The following ZZEF1 variants were observed in gnomAD, a reference collection of about 807,000 sequenced individuals.
ZZEF1 encodes the protein zinc finger ZZ-type and EF-hand domain-containing protein 1.
A neutral mutation model predicts 342.8 loss-of-function variants in ZZEF1; 157 were observed. The observed-to-expected ratio is 0.46, with a 90% CI of 0.40 to 0.52. The LOEUF is 0.52. Among genes scored for constraint, ZZEF1 ranks in the 20% least tolerant of loss-of-function variants. ZZEF1 has a pLI of 0.00. For synonymous variants in ZZEF1, 1,505 were observed against 1,429.1 expected (o/e 1.05, Z -1.20); for missense variants, 3,480 against 3,725.6 (o/e 0.93, Z 1.72).
chr17:4,075,025 G>T, intron 23 of ZZEF1, 72 bp downstream of exon 23: 2 of 1,476,200 alleles, frequency 1.4e-6, no homozygotes, highest in Non-Finnish European at 1.9e-6. Context: ...TACCTCTACT[G>T]CCCCCTGAAG....
chr17:4,035,046 T>C (rs1306865699), intron 39 of ZZEF1, among the ~76,000 whole-genome samples: 3 of 152,202 alleles, frequency 2.0e-5, no homozygotes, highest in Admixed American at 6.5e-5. Context: ...TATTTGTGTA[T>C]GTATGTATAT....
chr17:4,105,608 G>T, intron 7 of ZZEF1, 85 bp downstream of exon 7: 2 of 1,044,940 alleles, frequency 1.9e-6, no homozygotes, highest in South Asian at 1.4e-5. Context: ...ATCGTTAAAA[G>T]ATTAATATAT....
intron 28 of ZZEF1, among the ~76,000 whole-genome samples, chr17:4,065,406 A>G (rs2057372948): frequency 6.6e-6 from 1 of 151,986 alleles, no homozygotes; most frequent in Non-Finnish European, 1.5e-5. Context: ...CCAAAAAAAA[A>G]AACAAACAAA....
At chr17:4,095,479 T>A (rs1233820648) in intron 11 of ZZEF1, among the ~76,000 whole-genome samples, 1 of 152,156 alleles carries the variant, frequency 6.6e-6, no homozygotes, top group Non-Finnish European at 1.5e-5. Context: ...AGGTACTTAA[T>A]AAGTATTTGT....
chr17:4,054,272 A>G (rs1456979168), intron 33 of ZZEF1, 77 bp from the exon 34 acceptor site: 1 of 1,478,084 alleles, frequency 6.8e-7, no homozygotes, highest in African/African-American at 1.4e-5. Context: ...TCCTCCATTC[A>G]CTAGGTACTG....
chr17:4,046,765 C>G lies in ZZEF1; in HGVS notation c.6016-2391G>C, dbSNP rs541842207. Among the ~76,000 whole-genome samples, 14 of 152,320 alleles carry G rather than the reference C, an allele frequency of 9.2e-5. No individual in the cohort carries two copies. The South Asian group carries it at 2.9e-3, about 32-fold the overall frequency. ...ATAATTCCCAAGTTATGGCAAATGACTTATCTTTTTTCCTGTTATCACAGG... is the reference window on the plus strand; with the variant it reads ...ATAATTCCCAAGTTATGGCAAATGAGTTATCTTTTTTCCTGTTATCACAGG... On this transcript the variant is annotated intron_variant, in intron 37 of 54. Coordinates refer to ENST00000381638, the MANE Select transcript of ZZEF1 (RefSeq NM_015113.4).
chr17:4,138,390 C>T (rs1597955026), intron 1 of ZZEF1, among the ~76,000 whole-genome samples: 1 of 152,114 alleles, frequency 6.6e-6, no homozygotes, highest in Non-Finnish European at 1.5e-5. Context: ...CCTGTAAACC[C>T]GAAAGTGACT....
At chr17:4,078,090 C>G (rs771931864) in intron 18 of ZZEF1, 48 bp from the exon 19 acceptor site, 5 of 1,580,916 alleles carry the variant, frequency 3.2e-6, no homozygotes, top group Non-Finnish European at 3.5e-6. Flanking sequence ...AGGCCATTCA[C>G]AGAGCATAGC....
intron 13 of ZZEF1, among the ~76,000 whole-genome samples, chr17:4,087,825 C>CACA (rs1016601880): frequency 2.1e-3 from 296 of 140,386 alleles, no homozygotes; most frequent in African/African-American, 7.3e-3. Context: ...CACACACACA[C>CACA]ATCCATGAAC....
intron 10 of ZZEF1, 26 bp from the exon 11 acceptor site, chr17:4,096,005 C>A: frequency 6.3e-7 from 1 of 1,578,856 alleles, no homozygotes; most frequent in Non-Finnish European, 8.6e-7. Flanking sequence ...AGGATGAAGT[C>A]TATCAAAGGG....
chr17:4,060,664 C>T (rs1231911102), intron 30 of ZZEF1, among the ~76,000 whole-genome samples: 1 of 151,852 alleles, frequency 6.6e-6, no homozygotes, highest in Non-Finnish European at 1.5e-5. Flanking sequence ...CCACTACCTC[C>T]TTCTCATCCT....
At chr17:4,047,134 G>C (rs566479989) in intron 37 of ZZEF1, among the ~76,000 whole-genome samples, 2 of 152,322 alleles carry the variant, frequency 1.3e-5, no homozygotes, top group African/African-American at 4.8e-5. Flanking sequence ...GACTCAAAAG[G>C]TGGGAATGGC....
intron 25 of ZZEF1, among the ~76,000 whole-genome samples, 184 bp downstream of exon 25, chr17:4,072,424 T>C (rs2057527121): frequency 1.3e-5 from 2 of 152,202 alleles, no homozygotes; most frequent in Non-Finnish European, 2.9e-5. Flanking sequence ...TGAACACCTA[T>C]TGCGCACTGG....
intron 26 of ZZEF1, among the ~76,000 whole-genome samples, chr17:4,068,044 C>T (rs1402810703): frequency 6.6e-6 from 1 of 152,178 alleles, no homozygotes; most frequent in Non-Finnish European, 1.5e-5. Context: ...TGCCCCTGCA[C>T]TCTAGCCTAG....
chr17:4,099,864 T>G (rs936924111), intron 9 of ZZEF1, among the ~76,000 whole-genome samples: 1 of 152,026 alleles, frequency 6.6e-6, no homozygotes, highest in Admixed American at 6.6e-5. Context: ...ATATTTTAAA[T>G]CTATAAGTTT....
At position 4,074,140 on chromosome 17, in the gene ZZEF1, G is replaced by A; in HGVS notation, c.3685+10C>T. On this transcript the variant is annotated intron_variant, in intron 24 of 54. Transcript: ENST00000381638. ...TTGTAAGAAGGGAAAGCACAGGGATGTGCACTTACGGCGCACAGACTTGAG... is the reference window on the plus strand; with the variant it reads ...TTGTAAGAAGGGAAAGCACAGGGATATGCACTTACGGCGCACAGACTTGAG... 3.7e-6 allele frequency: 6 copies of A among 1,613,472 alleles called. No individual in the cohort carries two copies. Among genetic ancestry groups the A allele is most frequent in the Non-Finnish European group, 5.1e-6 (6 of 1,179,858 alleles).
chr17:4,095,290 C>G (rs1366327114), intron 11 of ZZEF1, among the ~76,000 whole-genome samples: 1 of 152,160 alleles, frequency 6.6e-6, no homozygotes, highest in African/African-American at 2.4e-5. Context: ...TCAGGAGGGC[C>G]GCTCTGCCCT....
chr17:4,028,453 CAGG>C (rs2056464941), intron 42 of ZZEF1, among the ~76,000 whole-genome samples: 2 of 150,864 alleles, frequency 1.3e-5, no homozygotes, highest in South Asian at 4.2e-4. Context: ...GAGGCTGAGG[CAGG>C]AGAACTGCTT....
At chr17:4,111,112 T>C (rs1411342782) in intron 5 of ZZEF1, among the ~76,000 whole-genome samples, 2 of 152,204 alleles carry the variant, frequency 1.3e-5, no homozygotes, top group African/African-American at 2.4e-5. Flanking sequence ...AACATTTTTG[T>C]AAAAAGATAT....
Sources: gnomAD v4.1 joint callset for allele counts (sites outside exome capture counted in the v4.1 genomes callset) on GRCh38, gnomAD v4.1.1 for gene constraint, MANE v1.5 for transcripts, NCBI Gene and HGNC (gene_info 2026-07-23, HGNC 2026-07-21) for gene names.